KHDRBS2: variants seen among roughly 807,000 people sequenced by gnomAD.
KHDRBS2 encodes the protein KH RNA binding domain containing, signal transduction associated 2.
In KHDRBS2, 26 loss-of-function variants were observed where a neutral mutation model predicts 44.3. The ratio of observed to expected loss-of-function variants is 0.59; its 90% CI spans 0.43 to 0.81. The LOEUF is 0.81. Ranked by LOEUF, KHDRBS2 falls within the 40% of genes least tolerant of loss-of-function variation. The probability of loss-of-function intolerance (pLI) is 0.00; values close to 1 mark genes in which losing one functional copy is unlikely to be tolerated. For synonymous variants in KHDRBS2, 194 were observed against 151.1 expected (o/e 1.28, Z -2.08); for missense variants, 476 against 433.1 (o/e 1.10, Z -0.88).
Position 62,239,154 on chromosome 6 carries a change from T to C in KHDRBS2, c.91+46704A>G, listed in dbSNP as rs1563116179. ...GAATTTCTTGGTTATCATAGTGATA[T>C]TGTTGTATATGAGAAAGTCCTTGTT... On this transcript the variant is annotated intron_variant, in intron 1 of 8. Coordinates refer to ENST00000281156, the MANE Select transcript of KHDRBS2 (RefSeq NM_152688.4). 3.3e-5 allele frequency among the ~76,000 whole-genome samples: 5 copies of C among 152,234 alleles called. No individual in the cohort carries two copies. The South Asian group carries it at 1.0e-3, about 32-fold the overall frequency.
intron 2 of KHDRBS2, among the ~76,000 whole-genome samples, chr6:62,082,530 T>G (rs1386467399): frequency 6.6e-6 from 1 of 152,138 alleles, no homozygotes; most frequent in Non-Finnish European, 1.5e-5. Context: ...ATGGAAACGA[T>G]TTCATACTTT....
At chr6:61,772,256 G>T (rs1412708674) in intron 6 of KHDRBS2, among the ~76,000 whole-genome samples, 1 of 151,920 alleles carries the variant, frequency 6.6e-6, no homozygotes, top group African/African-American at 2.4e-5. Context: ...CACAATTAAA[G>T]GAACTAGAAA....
intron 1 of KHDRBS2, among the ~76,000 whole-genome samples, chr6:62,258,055 T>C (rs855409): frequency 0.18 from 26,644 of 151,874 alleles, 2,609 homozygotes; most frequent in African/African-American, 0.27. Context: ...AGAATACCTA[T>C]GTTAGCAGTT....
intron 6 of KHDRBS2, among the ~76,000 whole-genome samples, chr6:61,735,595 T>C (rs1775204763): frequency 6.6e-6 from 1 of 152,212 alleles, no homozygotes; most frequent in Admixed American, 6.6e-5. Context: ...CTTTTATTGC[T>C]TCCCAAAATA....
intron 4 of KHDRBS2, among the ~76,000 whole-genome samples, chr6:61,976,821 C>T (rs190221683): frequency 2.0e-5 from 3 of 152,184 alleles, no homozygotes; most frequent in East Asian, 1.9e-4. Context: ...ATTCCTTACT[C>T]AATACAGCAC....
intron 5 of KHDRBS2, 59 bp downstream of exon 5, chr6:61,901,185 A>G (rs551597811): frequency 1.3e-6 from 2 of 1,551,026 alleles, no homozygotes; most frequent in South Asian, 2.3e-5. Context: ...CATGACATAA[A>G]GCAGGACAAA....
intron 2 of KHDRBS2, among the ~76,000 whole-genome samples, chr6:62,081,647 A>C (rs1028849932): frequency 1.3e-5 from 2 of 152,178 alleles, no homozygotes; most frequent in African/African-American, 4.8e-5. Context: ...GAATGGTAGC[A>C]CATTTCAAAG....
At chr6:62,232,675 C>T (rs367660929) in intron 1 of KHDRBS2, among the ~76,000 whole-genome samples, 1 of 152,094 alleles carries the variant, frequency 6.6e-6, no homozygotes, top group Non-Finnish European at 1.5e-5. Flanking sequence ...CATATCCCTA[C>T]GTATAGCCAG....
At chr6:61,970,596 C>A (rs1363826207) in intron 4 of KHDRBS2, among the ~76,000 whole-genome samples, 2 of 152,114 alleles carry the variant, frequency 1.3e-5, no homozygotes, top group African/African-American at 4.8e-5. Context: ...ATCGAAGAGT[C>A]CACTGAGCTA....
In KHDRBS2 at chr6:61,718,707, A is replaced by C. The variant is rs987492854; in HGVS notation, c.893+13975T>G. 5.1e-4 allele frequency among the ~76,000 whole-genome samples: 77 copies of C among 152,180 alleles called. No homozygotes were observed. The Middle Eastern group carries it at 0.01, about 20-fold the overall frequency. On this transcript the variant is annotated intron_variant, in intron 7 of 8. Coordinates refer to ENST00000281156, the MANE Select transcript of KHDRBS2 (RefSeq NM_152688.4). ...GTTGCCATTCTGAAGTAGAGGTCTC[A>C]GTTCCTGTCAGGTGGCCTCTCCCAC...
At chr6:61,751,643 A>T (rs1777707311) in intron 6 of KHDRBS2, among the ~76,000 whole-genome samples, 1 of 152,186 alleles carries the variant, frequency 6.6e-6, no homozygotes, top group South Asian at 2.1e-4. Context: ...AGGAGCTGCT[A>T]TTTTAATTTT....
At chr6:61,780,399 C>CTGAGGTGGGAGGACGGCT (rs1399888178) in intron 6 of KHDRBS2, among the ~76,000 whole-genome samples, 1 of 152,014 alleles carries the variant, frequency 6.6e-6, no homozygotes, top group African/African-American at 2.4e-5. Context: ...ACTTGGGAGG[C>CTGAGGTGGGAGGACGGCT]TGAGGTGGGA....
At chr6:61,597,797 A>C in the KHDRBS2 span, among the ~76,000 whole-genome samples, 1 of 105,936 alleles carries the variant, frequency 9.4e-6, no homozygotes, top group Non-Finnish European at 2.0e-5. Context: ...TGCCACCGGG[A>C]AAAGAAGTGG....
intron 4 of KHDRBS2, among the ~76,000 whole-genome samples, chr6:61,972,414 T>C (rs1771619480): frequency 6.6e-6 from 1 of 152,208 alleles, no homozygotes; most frequent in Non-Finnish European, 1.5e-5. Context: ...ATCATAGTGC[T>C]ATAGCACTAT....
chr6:61,825,530 C>A (rs1246851736), intron 6 of KHDRBS2, among the ~76,000 whole-genome samples: 3 of 152,154 alleles, frequency 2.0e-5, no homozygotes, highest in Non-Finnish European at 4.4e-5. Context: ...AAATGCATTT[C>A]TTCTTTAAAG....
At chr6:62,189,437 A>G (rs1448053718) in intron 1 of KHDRBS2, among the ~76,000 whole-genome samples, 1 of 152,100 alleles carries the variant, frequency 6.6e-6, no homozygotes, top group East Asian at 1.9e-4. Context: ...TAACTATGGA[A>G]ACAGCCAGAT....
At chr6:61,815,225 T>C (rs938296473) in intron 6 of KHDRBS2, among the ~76,000 whole-genome samples, 2 of 152,064 alleles carry the variant, frequency 1.3e-5, no homozygotes, top group African/African-American at 4.8e-5. Flanking sequence ...ACAGCATGTA[T>C]ATGCTAGACG....
At chr6:61,546,999 G>A in the KHDRBS2 span, among the ~76,000 whole-genome samples, 2 of 152,004 alleles carry the variant, frequency 1.3e-5, no homozygotes, top group Admixed American at 6.6e-5. Flanking sequence ...GACAGGATGC[G>A]ATTCCATTGC....
At chr6:61,567,956 C>A in the KHDRBS2 span, among the ~76,000 whole-genome samples, 458 of 152,056 alleles carry the variant, frequency 3.0e-3, 4 homozygotes, top group African/African-American at 0.011. Context: ...TTTCTTCCAT[C>A]ATTTTGTAGT....
Sources: gnomAD v4.1 joint callset for allele counts (sites outside exome capture counted in the v4.1 genomes callset) on GRCh38, gnomAD v4.1.1 for gene constraint, MANE v1.5 for transcripts, NCBI Gene and HGNC (gene_info 2026-07-23, HGNC 2026-07-21) for gene names.